The following ASTN2 variants were observed in gnomAD, a reference collection of about 807,000 sequenced individuals.
ASTN2 encodes the protein astrotactin-2.
A neutral mutation model predicts 139.8 loss-of-function variants in ASTN2; 54 were observed. The ratio of observed to expected loss-of-function variants is 0.39; its 90% CI spans 0.31 to 0.48. The LOEUF (loss-of-function observed/expected upper bound fraction) is 0.48. Ranked by LOEUF, ASTN2 falls within the 20% of genes least tolerant of loss-of-function variation. The pLI is 0.95. For synonymous variants in ASTN2, 756 were observed against 719.5 expected (o/e 1.05, Z -0.81); for missense variants, 1,565 against 1,725.1 (o/e 0.91, Z 1.64).
chr9:116,875,576 C>T (rs547808355), intron 10 of ASTN2, among the ~76,000 whole-genome samples: 23 of 152,310 alleles, frequency 1.5e-4, no homozygotes, highest in Middle Eastern at 6.8e-3. Flanking sequence ...CTATGTCCAA[C>T]AACCGATTTT....
intron 10 of ASTN2, 76 bp from the exon 11 acceptor site, chr9:116,863,809 T>G: frequency 1.4e-6 from 2 of 1,399,100 alleles, no homozygotes; most frequent in Non-Finnish European, 1.9e-6. Flanking sequence ...TGTGAATTCA[T>G]TACATTTGAA....
rs1361767035 is a variant in ASTN2, at chr9:116,698,177, G to T, written c.2806+27594C>A. ...CTGTCAAAGAAGCAGCTGAGGAGCGGCGTCGGGACTTTGGAGAGAAGTTAA... is the reference window on the plus strand; with the variant it reads ...CTGTCAAAGAAGCAGCTGAGGAGCGTCGTCGGGACTTTGGAGAGAAGTTAA... On this transcript the variant is annotated intron_variant, in intron 16 of 22. Transcript: ENST00000313400. The surrounding 1 kb of genome is among the most constrained non-coding windows in gnomAD (Gnocchi z 4.4). 2 of 1,614,188 alleles carry T rather than the reference G, an allele frequency of 1.2e-6. No individual in the cohort carries two copies. Among genetic ancestry groups the T allele is most frequent in the Non-Finnish European group, 1.7e-6 (2 of 1,180,048 alleles).
intron 19 of ASTN2, among the ~76,000 whole-genome samples, chr9:116,569,312 C>G (rs1853393828): frequency 6.6e-6 from 1 of 152,212 alleles, no homozygotes; most frequent in African/African-American, 2.4e-5. Flanking sequence ...GCAGGCCTAA[C>G]AGAAGCATGG....
At chr9:117,301,598 G>C (rs777322076) in intron 1 of ASTN2, among the ~76,000 whole-genome samples, 2 of 152,182 alleles carry the variant, frequency 1.3e-5, no homozygotes, top group Admixed American at 6.5e-5. Flanking sequence ...TGAGAAAGGA[G>C]CTTGCATATT....
At chr9:117,143,572 A>G (rs1168698691) in intron 3 of ASTN2, among the ~76,000 whole-genome samples, 1 of 152,236 alleles carries the variant, frequency 6.6e-6, no homozygotes, top group Non-Finnish European at 1.5e-5. Context: ...AGAAAAAAAC[A>G]TTACATACCA....
At chr9:117,098,952 C>CA (rs1267906418) in intron 4 of ASTN2, among the ~76,000 whole-genome samples, 1 of 151,694 alleles carries the variant, frequency 6.6e-6, no homozygotes, top group Admixed American at 6.6e-5. Context: ...TACTAAAATA[C>CA]AAAAAATTAG....
intron 1 of ASTN2, among the ~76,000 whole-genome samples, chr9:117,388,012 A>G (rs1163848020): frequency 1.3e-5 from 2 of 152,162 alleles, no homozygotes; most frequent in Non-Finnish European, 2.9e-5. Context: ...AGGGGAAGAG[A>G]AGGCCTACAA....
chr9:116,715,967 A>G (rs1266905140), intron 16 of ASTN2, among the ~76,000 whole-genome samples: 2 of 152,200 alleles, frequency 1.3e-5, no homozygotes, highest in Non-Finnish European at 2.9e-5. Flanking sequence ...ACTTCAATGT[A>G]TGTATCTGTA....
At chr9:116,509,935 G>C (rs1013391150) in intron 19 of ASTN2, among the ~76,000 whole-genome samples, 3 of 152,218 alleles carry the variant, frequency 2.0e-5, no homozygotes, top group East Asian at 1.9e-4. Flanking sequence ...GATTGCAAAA[G>C]TTTTCTCCCA....
intron 1 of ASTN2, among the ~76,000 whole-genome samples, chr9:117,405,675 T>C (rs926028883): frequency 2.0e-5 from 3 of 152,192 alleles, no homozygotes; most frequent in Non-Finnish European, 2.9e-5. Flanking sequence ...CATCTTTATA[T>C]AGAAGTGTTT....
At chr9:117,027,139 T>C (rs1838112333) in intron 6 of ASTN2, among the ~76,000 whole-genome samples, 1 of 152,164 alleles carries the variant, frequency 6.6e-6, no homozygotes, top group South Asian at 2.1e-4. Flanking sequence ...AAAATGAACA[T>C]TACCAAGTAC....
intron 10 of ASTN2, among the ~76,000 whole-genome samples, chr9:116,946,149 C>T (rs1835387859): frequency 6.6e-6 from 1 of 152,198 alleles, no homozygotes; most frequent in Non-Finnish European, 1.5e-5. Flanking sequence ...AGGTCCCTCC[C>T]TGACACTTGG....
chr9:116,493,714 AGCCG>A (rs1237642604), intron 19 of ASTN2, among the ~76,000 whole-genome samples: 1 of 151,990 alleles, frequency 6.6e-6, no homozygotes, highest in Non-Finnish European at 1.5e-5. Flanking sequence ...TCACCGTCAA[AGCCG>A]GCCACATGAG....
chr9:117,003,953 C>CGCGCGCGTGTGTGT (rs1218309835), intron 7 of ASTN2, among the ~76,000 whole-genome samples: 15 of 146,286 alleles, frequency 1.0e-4, no homozygotes, highest in African/African-American at 3.9e-4. Flanking sequence ...CGCGCGCGCG[C>CGCGCGCGTGTGTGT]GTGTGTGTGT....
intron 16 of ASTN2, among the ~76,000 whole-genome samples, chr9:116,672,743 C>CA (rs139953220): frequency 0.012 from 1,893 of 152,248 alleles, 31 homozygotes; most frequent in African/African-American, 0.041. Flanking sequence ...TTGTCAGTTG[C>CA]AAAAAGATAC....
chr9:117,184,762 C>T (rs963757583), intron 3 of ASTN2, among the ~76,000 whole-genome samples: 3 of 152,152 alleles, frequency 2.0e-5, no homozygotes, highest in African/African-American at 7.2e-5. Flanking sequence ...TATCCACACC[C>T]CACAGTTCCA....
chr9:117,357,148 G>T (rs2130889312), intron 1 of ASTN2, among the ~76,000 whole-genome samples: 1 of 152,256 alleles, frequency 6.6e-6, no homozygotes, highest in South Asian at 2.1e-4. Flanking sequence ...AGGGCTCATA[G>T]TCCTTTCAGG....
chr9:117,060,488 T>TGAAA (rs1206035737), intron 5 of ASTN2, among the ~76,000 whole-genome samples: 363 of 29,762 alleles, frequency 0.012, 26 homozygotes, highest in Admixed American at 0.017. Flanking sequence ...AAGGAAGGAA[T>TGAAA]GAAAGAAAGA....
At chr9:117,139,793 G>A (rs1245270176) in intron 4 of ASTN2, among the ~76,000 whole-genome samples, 1 of 152,204 alleles carries the variant, frequency 6.6e-6, no homozygotes, top group African/African-American at 2.4e-5. Flanking sequence ...AAGGAAAGCT[G>A]GGAGGATTCA....
Sources: allele counts gnomAD v4.1 joint callset (sites outside exome capture counted in the v4.1 genomes callset), GRCh38; gene constraint gnomAD v4.1.1; non-coding constraint Gnocchi (gnomAD v3.1); transcripts MANE v1.5; gene names NCBI Gene and HGNC (gene_info 2026-07-23, HGNC 2026-07-21).